ZNF529: variants seen among roughly 807,000 people sequenced by gnomAD.
ZNF529 encodes the protein zinc finger protein 529.
ZNF529 carries 11 observed loss-of-function variants against 10.1 expected under a neutral mutation model. That is an observed-to-expected ratio of 1.09 (90% CI 0.69 to 1.81). The LOEUF (loss-of-function observed/expected upper bound fraction) is 1.81, where lower values mean the gene tolerates loss of function less well. Ranked by LOEUF, ZNF529 falls within the 40% of genes most tolerant of loss-of-function variation. The pLI, the probability that ZNF529 is intolerant of heterozygous loss-of-function variation, is 0.00. For synonymous variants in ZNF529, 204 were observed against 215.7 expected, an observed-to-expected ratio of 0.95 and a Z score of 0.47; for missense variants, 624 against 666.8, an observed-to-expected ratio of 0.94 and a Z score of 0.71.
intron 2 of ZNF529, chr19:36,582,372 G>T (rs911618790): frequency 6.7e-6 from 1 of 149,586 alleles, no homozygotes; most frequent in Non-Finnish European, 1.5e-5. Flanking sequence ...TAATAAACAT[G>T]CTATATGCTA....
At chr19:36,550,034 A>G (rs1283604904) in intron 4 of ZNF529, among the ~76,000 whole-genome samples, 1 of 152,212 alleles carries the variant, frequency 6.6e-6, no homozygotes. Flanking sequence ...TTTTATGGAG[A>G]TCATCTGGAG....
At chr19:36,590,184 CAG>C (rs961376046) in intron 1 of ZNF529, among the ~76,000 whole-genome samples, 1 of 152,000 alleles carries the variant, frequency 6.6e-6, no homozygotes, top group African/African-American at 2.4e-5. Context: ...GCCTAGGCAA[CAG>C]GGTGAAACCT....
At chr19:36,550,569 A>G (rs1342648378) in intron 4 of ZNF529, among the ~76,000 whole-genome samples, 1 of 152,178 alleles carries the variant, frequency 6.6e-6, no homozygotes, top group African/African-American at 2.4e-5. Flanking sequence ...GCTCACTATT[A>G]AATAACTGTT....
At chr19:36,592,284 C>CCA (rs2036738452) in intron 1 of ZNF529, among the ~76,000 whole-genome samples, 8 of 49,824 alleles carry the variant, frequency 1.6e-4, no homozygotes, top group South Asian at 8.7e-4. Flanking sequence ...GACTTTGTCT[C>CCA]AAAAAAAAAA....
At chr19:36,553,955 G>A (rs1252441633) in intron 4 of ZNF529, among the ~76,000 whole-genome samples, 4 of 152,048 alleles carry the variant, frequency 2.6e-5, no homozygotes, top group Non-Finnish European at 5.9e-5. Flanking sequence ...AAACATAAAT[G>A]AATTTTGTGT....
chr19:36,550,086 C>T (rs569003843), intron 4 of ZNF529, among the ~76,000 whole-genome samples: 5 of 152,198 alleles, frequency 3.3e-5, no homozygotes, highest in Non-Finnish European at 7.4e-5. Context: ...AAACTCAGAG[C>T]AACACATAAA....
At chr19:36,571,869 T>G (rs1467133444) in intron 2 of ZNF529, among the ~76,000 whole-genome samples, 1 of 151,516 alleles carries the variant, frequency 6.6e-6, no homozygotes, top group Non-Finnish European at 1.5e-5. Context: ...CTCATGAATG[T>G]TCTGGAAAAA....
intron 2 of ZNF529, among the ~76,000 whole-genome samples, chr19:36,569,916 A>G (rs572278999): frequency 2.0e-5 from 3 of 152,192 alleles, no homozygotes; most frequent in African/African-American, 7.2e-5. Flanking sequence ...GAGTCTATGT[A>G]TATCTGAGGT....
At chr19:36,551,456 T>C (rs2035254899) in intron 4 of ZNF529, among the ~76,000 whole-genome samples, 1 of 152,180 alleles carries the variant, frequency 6.6e-6, no homozygotes, top group African/African-American at 2.4e-5. Flanking sequence ...AATCAGACTC[T>C]GGTGGGCTAA....
intron 4 of ZNF529, 110 bp downstream of exon 4, chr19:36,554,560 A>G: frequency 1.1e-6 from 1 of 924,078 alleles, no homozygotes; most frequent in Non-Finnish European, 1.5e-6. Flanking sequence ...CCTGGGTGAC[A>G]GAGTGAGACT....
intron 2 of ZNF529, chr19:36,582,009 A>G (rs1056465991): frequency 1.3e-5 from 2 of 152,242 alleles, no homozygotes; most frequent in African/African-American, 4.8e-5. Context: ...GCCAATCACA[A>G]AAAGATAACT....
In ZNF529 at chr19:36,547,282, C is replaced by CTT. The variant is rs1423211105; in HGVS notation, c.1274_1275dup (p.Glu426LysfsTer9). 1.2e-6 allele frequency: 2 copies of CTT among 1,613,684 alleles called. No individual in the cohort carries two copies. Among genetic ancestry groups the CTT allele is most frequent in the Admixed American group, 3.3e-5 (2 of 60,006 alleles). ...CCTACTCCAAATGCTTTCTCACATT[C>CTT]TTTACATTTATAGGGTTTTTCACCA... On this transcript the variant is annotated frameshift_variant, in exon 5 of 5. Transcript: ENST00000591340. LOFTEE classifies it low-confidence loss of function (END_TRUNC).
chr19:36,565,792 T>G (rs2035874676), intron 2 of ZNF529, among the ~76,000 whole-genome samples: 2 of 152,168 alleles, frequency 1.3e-5, no homozygotes, highest in Non-Finnish European at 2.9e-5. Flanking sequence ...TCCTCTTTAT[T>G]TCCCCAATAT....
chr19:36,590,512 T>G (rs952643056), intron 1 of ZNF529, among the ~76,000 whole-genome samples: 1 of 151,720 alleles, frequency 6.6e-6, no homozygotes, highest in African/African-American at 2.4e-5. Flanking sequence ...TTTAAAAGGC[T>G]AGAAAAGGAA....
At chr19:36,586,461 C>T (rs188111458) in intron 2 of ZNF529, among the ~76,000 whole-genome samples, 24 of 152,072 alleles carry the variant, frequency 1.6e-4, no homozygotes, top group African/African-American at 3.1e-4. Context: ...AAAAATTAGC[C>T]GGGCGTGGTG....
chr19:36,548,317 C>A lies in ZNF529; in HGVS notation c.241G>T (p.Glu81Ter). The A allele has an allele frequency of 2.6e-6, 4 of 1,529,922 alleles. No individual in the cohort carries two copies. Among genetic ancestry groups the A allele is most frequent in the South Asian group, 1.2e-5 (1 of 80,142 alleles). The allele number at this position is 1,529,922 out of a possible 1,614,324, so 94.8% of individuals were successfully genotyped here. ...AAATGCTTAGTCTCATTCCTGGACT[C>A]CAAATCTGAAAGAAAGGAAAAAATA... is the stretch of plus-strand genomic sequence containing the variant. ...NYSNLLSLDL[E>*]SRNETKHLSV... Residue 81 changes from glutamate to a stop codon, truncating the protein, a stop_gained, in exon 5 of 5, where the codon GAG (glutamate) becomes TAG (stop). Transcript: ENST00000591340. LOFTEE classifies it low-confidence loss of function (END_TRUNC).
At chr19:36,549,245 AT>A (rs1400773915) in intron 4 of ZNF529, among the ~76,000 whole-genome samples, 5 of 151,676 alleles carry the variant, frequency 3.3e-5, no homozygotes, top group Admixed American at 6.6e-5. Context: ...CCTCATATAT[AT>A]TTTTTTCAGT....
chr19:36,554,926 G>T, intron 3 of ZNF529, 130 bp from the exon 4 acceptor site: 2 of 708,232 alleles, frequency 2.8e-6, no homozygotes, highest in Non-Finnish European at 4.0e-6. Flanking sequence ...CTGTGACATG[G>T]GAAGTAAGGA....
chr19:36,584,682 G>A (rs1046038864), intron 2 of ZNF529, among the ~76,000 whole-genome samples: 2 of 151,276 alleles, frequency 1.3e-5, no homozygotes, highest in African/African-American at 4.9e-5. Context: ...CAAGATAATC[G>A]CTTGAACCCA....
Sources: gnomAD v4.1 joint callset for allele counts (sites outside exome capture counted in the v4.1 genomes callset) on GRCh38, gnomAD v4.1.1 for gene constraint, MANE v1.5 for transcripts, NCBI Gene and HGNC (gene_info 2026-07-23, HGNC 2026-07-21) for gene names.